Variants in ANGPT1 observed in about 807,000 individuals in gnomAD.
ANGPT1 encodes angiopoietin-1.
ANGPT1 carries 17 observed loss-of-function variants against 62.2 expected under a neutral mutation model. The observed-to-expected ratio is 0.27, with a 90% CI of 0.19 to 0.41. ANGPT1 has a LOEUF of 0.41. ANGPT1 is among the 10% of genes least tolerant of loss of function. ANGPT1 has a pLI of 1.00. For synonymous variants in ANGPT1, 199 were observed against 198.9 expected, an observed-to-expected ratio of 1.00 and a Z score of 0.00; for missense variants, 478 against 594.9, an observed-to-expected ratio of 0.80 and a Z score of 2.04.
At position 107,261,694 on chromosome 8, in the gene ANGPT1, G is replaced by C. The variant is rs1294371175; in HGVS notation, c.1336+2527C>G. ...CACTCCAGCCTGGGTGACAGAGCAA[G>C]ACTCCATCTAAAAAAAAAAAAAGAA... is the stretch of plus-strand genomic sequence containing the variant. On this transcript the variant is annotated intron_variant, in intron 8 of 8. Coordinates refer to ENST00000517746, the MANE Select transcript of ANGPT1 (RefSeq NM_001146.5). Among the ~76,000 whole-genome samples the C allele has an allele frequency of 2.7e-5, 4 of 148,390 alleles. 1 individual carries two copies. The highest frequency in any genetic ancestry group is 5.9e-5 in the Non-Finnish European group (4 of 67,318).
At chr8:107,334,533 G>GT (rs150985942) in intron 3 of ANGPT1, among the ~76,000 whole-genome samples, 6,675 of 149,448 alleles carry the variant, frequency 0.045, 464 homozygotes, top group African/African-American at 0.15. Flanking sequence ...TTTCCTGTGT[G>GT]TTTTTTTTTG....
At chr8:107,321,748 A>G in intron 4 of ANGPT1, 148 bp downstream of exon 4, 1 of 616,464 alleles carries the variant, frequency 1.6e-6, no homozygotes, top group Non-Finnish European at 2.7e-6. Context: ...GAAAATTATC[A>G]ACATAACTTC....
Position 107,497,589 on chromosome 8 carries a change from T to C in ANGPT1, c.-31A>G, listed in dbSNP as rs949249399. On this transcript the variant is annotated 5_prime_UTR_variant, in exon 1 of 9. Coordinates refer to ENST00000517746, the MANE Select transcript of ANGPT1 (RefSeq NM_001146.5). ...TGCCAGCACACTCCTTCCGTGCCTCTCGCAAAACTTGCTCCTTTCTTCTGA... is the reference window on the plus strand; with the variant it reads ...TGCCAGCACACTCCTTCCGTGCCTCCCGCAAAACTTGCTCCTTTCTTCTGA... 2 of 1,594,442 alleles carry C rather than the reference T, an allele frequency of 1.3e-6. No individual in the cohort carries two copies. The highest frequency in any genetic ancestry group is 2.3e-5 in the East Asian group (1 of 44,414).
At chr8:107,259,158 A>T (rs1563537988) in intron 8 of ANGPT1, among the ~76,000 whole-genome samples, 2 of 152,164 alleles carry the variant, frequency 1.3e-5, no homozygotes, top group African/African-American at 4.8e-5. Flanking sequence ...AGTCATATGG[A>T]TCTTCTTTTC....
chr8:107,489,761 T>A (rs1251933307), intron 1 of ANGPT1, among the ~76,000 whole-genome samples: 1 of 151,976 alleles, frequency 6.6e-6, no homozygotes, highest in Non-Finnish European at 1.5e-5. Flanking sequence ...TGTAAGAAGA[T>A]TTAAACATGG....
At chr8:107,470,484 G>T (rs1812323381) in intron 1 of ANGPT1, among the ~76,000 whole-genome samples, 1 of 80,206 alleles carries the variant, frequency 1.2e-5, no homozygotes, top group South Asian at 3.2e-4. Flanking sequence ...GTTCACAAAG[G>T]TCTGGTTTTT....
intron 1 of ANGPT1, among the ~76,000 whole-genome samples, chr8:107,408,164 T>A (rs966243426): frequency 6.6e-6 from 1 of 152,196 alleles, no homozygotes; most frequent in Non-Finnish European, 1.5e-5. Flanking sequence ...TTAGTAACAT[T>A]GTGGTATTAC....
At chr8:107,365,582 G>T (rs1391338604) in intron 1 of ANGPT1, among the ~76,000 whole-genome samples, 1 of 152,034 alleles carries the variant, frequency 6.6e-6, no homozygotes, top group African/African-American at 2.4e-5. Flanking sequence ...ATGTCTACTG[G>T]TCTAACATGG....
In ANGPT1 at chr8:107,430,843, G is replaced by A. The variant is rs542130740; in HGVS notation, c.297+66419C>T. ...ACATTTGAGACAATGTGTTACAGCA[G>A]CAATATGAAACAGCAATACAGTCTG... On this transcript the variant is annotated intron_variant, in intron 1 of 8. Transcript: ENST00000517746. 4.6e-5 allele frequency among the ~76,000 whole-genome samples: 7 copies of A among 152,314 alleles called. No homozygotes were observed. In the East Asian group the frequency reaches 1.4e-3, roughly 29 times the overall value.
At chr8:107,436,064 G>C (rs966303998) in intron 1 of ANGPT1, among the ~76,000 whole-genome samples, 3 of 152,026 alleles carry the variant, frequency 2.0e-5, no homozygotes, top group African/African-American at 4.8e-5. Flanking sequence ...TACCATGCTT[G>C]TCTAATTTTA....
chr8:107,310,111 TAAC>T (rs953790500), intron 4 of ANGPT1, among the ~76,000 whole-genome samples: 21 of 152,148 alleles, frequency 1.4e-4, no homozygotes, highest in African/African-American at 4.8e-4. Flanking sequence ...TATAAAATCT[TAAC>T]TACCATTTTT....
At chr8:107,360,383 A>G (rs1816137216) in intron 1 of ANGPT1, among the ~76,000 whole-genome samples, 2 of 152,158 alleles carry the variant, frequency 1.3e-5, no homozygotes, top group Non-Finnish European at 1.5e-5. Context: ...GTTCAGTAAC[A>G]TGATCAGGAC....
chr8:107,263,861 AT>A (rs1482958214), intron 8 of ANGPT1, among the ~76,000 whole-genome samples: 2 of 152,166 alleles, frequency 1.3e-5, no homozygotes, highest in African/African-American at 4.8e-5. Flanking sequence ...ATTGCGAAGT[AT>A]TTTATAAGAA....
At chr8:107,414,664 G>C (rs1329505414) in intron 1 of ANGPT1, among the ~76,000 whole-genome samples, 2 of 152,156 alleles carry the variant, frequency 1.3e-5, no homozygotes, top group Non-Finnish European at 2.9e-5. Flanking sequence ...CAGGCAACTT[G>C]TTAAGATTGT....
chr8:107,348,480 T>G (rs1458645768), intron 1 of ANGPT1, among the ~76,000 whole-genome samples: 1 of 152,170 alleles, frequency 6.6e-6, no homozygotes, highest in Admixed American at 6.5e-5. Flanking sequence ...AAATTCATTC[T>G]TGGCCAATAT....
chr8:107,309,252 G>A (rs1260275658), intron 4 of ANGPT1, among the ~76,000 whole-genome samples: 2 of 152,172 alleles, frequency 1.3e-5, no homozygotes, highest in African/African-American at 4.8e-5. Flanking sequence ...ATGTGGATCA[G>A]GTTATTTGTT....
intron 1 of ANGPT1, among the ~76,000 whole-genome samples, chr8:107,432,923 T>G (rs1811232552): frequency 6.6e-6 from 1 of 152,194 alleles, no homozygotes; most frequent in Admixed American, 6.5e-5. Context: ...GGACATTTAT[T>G]TCTGTAGGCA....
intron 6 of ANGPT1, among the ~76,000 whole-genome samples, chr8:107,293,628 T>C (rs1230411518): frequency 6.6e-6 from 1 of 152,126 alleles, no homozygotes; most frequent in Non-Finnish European, 1.5e-5. Context: ...TTGGTCAGGC[T>C]CACGTATCCA....
In ANGPT1 at chr8:107,321,909, G is replaced by A; in HGVS notation, c.795C>T (p.Cys265=). The change falls in exon 4 of 9, where the codon TGC becomes TGT. Residue 265 remains cysteine (C), a synonymous_variant. Coordinates refer to ENST00000517746, the MANE Select transcript of ANGPT1 (RefSeq NM_001146.5). ...MDTVHNLVNL[C]TKEGVLLKGG... is the part of the protein sequence containing the mutation. Reference sequence around the variant, plus strand: ...AGACATTCTTACCACCTTCTTTAGTGCAAAGATTGACAAGGTTGTGGACTG... The same window carrying A: ...AGACATTCTTACCACCTTCTTTAGTACAAAGATTGACAAGGTTGTGGACTG... 3 of 1,613,664 alleles carry A rather than the reference G, an allele frequency of 1.9e-6. No individual in the cohort carries two copies. Among genetic ancestry groups the A allele is most frequent in the Non-Finnish European group, 2.5e-6 (3 of 1,179,720 alleles).
Sources: gnomAD v4.1 joint callset for allele counts (sites outside exome capture counted in the v4.1 genomes callset) on GRCh38, gnomAD v4.1.1 for gene constraint, MANE v1.5 for transcripts, NCBI Gene and HGNC (gene_info 2026-07-23, HGNC 2026-07-21) for gene names.